The following SLC9A9 variants were observed in gnomAD, a reference collection of about 807,000 sequenced individuals.
The protein encoded by SLC9A9 is sodium/hydrogen exchanger 9.
SLC9A9 carries 62 observed loss-of-function variants against 77.8 expected under a neutral mutation model. The observed-to-expected ratio is 0.80, with a 90% confidence interval of 0.65 to 0.98. The LOEUF (loss-of-function observed/expected upper bound fraction) is 0.98. SLC9A9 is among the 50% of genes least tolerant of loss of function. The pLI, the probability that SLC9A9 is intolerant of heterozygous loss-of-function variation, is 0.00. For synonymous variants in SLC9A9, 320 were observed against 283.5 expected, an observed-to-expected ratio of 1.13 and a Z score of -1.29; for missense variants, 775 against 774.9, an observed-to-expected ratio of 1.00 and a Z score of 0.00.
In SLC9A9 at chr3:143,268,927, G is replaced by A; in HGVS notation, c.1658C>T (p.Pro553Leu). 3 of 1,613,656 alleles carry A rather than the reference G, an allele frequency of 1.9e-6. No homozygotes were observed. The highest frequency in any genetic ancestry group is 2.5e-6 in the Non-Finnish European group (3 of 1,179,802). Residue 553 changes from proline (P) to leucine (L), a missense_variant, in exon 15 of 16, where the codon CCT becomes CTT. By Grantham distance (98) the Pro-to-Leu change is moderately conservative. Transcript: ENST00000316549. ...HSGPPLTTTL[P>L]EWCGPISRLL... ...CCTGGAAATCGGACCACACCATTCA[G>A]GTAATGTTGTAGTCAGCGGAGGACC... is the stretch of plus-strand genomic sequence containing the variant.
chr3:143,645,429 A>C (rs990237073), intron 6 of SLC9A9, among the ~76,000 whole-genome samples: 3 of 152,162 alleles, frequency 2.0e-5, no homozygotes, highest in African/African-American at 7.2e-5. Context: ...TTCAGTGAGG[A>C]GTTATTGAGG....
chr3:143,776,271 A>G (rs1019096354), intron 4 of SLC9A9, among the ~76,000 whole-genome samples: 1 of 152,210 alleles, frequency 6.6e-6, no homozygotes, highest in East Asian at 1.9e-4. Flanking sequence ...AGGAATAGAT[A>G]GAAAGGTCAT....
intron 4 of SLC9A9, among the ~76,000 whole-genome samples, chr3:143,791,973 A>G (rs2008237904): frequency 1.3e-5 from 2 of 152,238 alleles, no homozygotes; most frequent in Non-Finnish European, 2.9e-5. Context: ...AAACAGAAGT[A>G]AAGCACGTTT....
chr3:143,563,058 C>T (rs553181703), intron 8 of SLC9A9, among the ~76,000 whole-genome samples: 2 of 152,194 alleles, frequency 1.3e-5, no homozygotes, highest in Admixed American at 6.5e-5. Context: ...GACTCATTTA[C>T]ACAATTTTGG....
chr3:143,615,629 C>T (rs753476675), intron 6 of SLC9A9, among the ~76,000 whole-genome samples: 3 of 152,080 alleles, frequency 2.0e-5, no homozygotes, highest in Non-Finnish European at 4.4e-5. Context: ...CTGAATGTGA[C>T]AATAACTCAG....
At chr3:143,569,751 A>C (rs566519443) in intron 8 of SLC9A9, among the ~76,000 whole-genome samples, 2 of 152,114 alleles carry the variant, frequency 1.3e-5, no homozygotes, top group Admixed American at 1.3e-4. Context: ...TACAAGCACA[A>C]ATTGGAGAAT....
chr3:143,310,143 A>G (rs935566490), intron 14 of SLC9A9, among the ~76,000 whole-genome samples: 5 of 152,212 alleles, frequency 3.3e-5, no homozygotes, highest in African/African-American at 1.2e-4. Context: ...GTGCTGCTGA[A>G]CTGACAGAGG....
chr3:143,734,760 A>G (rs1934897956), intron 4 of SLC9A9, among the ~76,000 whole-genome samples: 1 of 151,416 alleles, frequency 6.6e-6, no homozygotes, highest in Non-Finnish European at 1.5e-5. Flanking sequence ...AAAGATACGT[A>G]GACTCTTCTA....
intron 12 of SLC9A9, among the ~76,000 whole-genome samples, chr3:143,403,956 T>C (rs1359019845): frequency 1.3e-5 from 2 of 152,120 alleles, no homozygotes; most frequent in African/African-American, 4.8e-5. Context: ...TACACACATG[T>C]TGGTGTTCCA....
At chr3:143,681,813 T>A (rs1933107244) in intron 5 of SLC9A9, among the ~76,000 whole-genome samples, 2 of 152,190 alleles carry the variant, frequency 1.3e-5, no homozygotes, top group African/African-American at 4.8e-5. Context: ...ATAGCAGTCC[T>A]CTGAGTGGCA....
At chr3:143,705,046 GATATAGATATAGATATAT>G (rs1560040999) in intron 4 of SLC9A9, among the ~76,000 whole-genome samples, 1 of 38,736 alleles carries the variant, frequency 2.6e-5, no homozygotes, top group African/African-American at 1.2e-4. Context: ...TATCTATATA[GATATAGATATAGATATAT>G]AGATATATAT....
At chr3:143,557,002 A>C (rs1182247124) in intron 8 of SLC9A9, among the ~76,000 whole-genome samples, 1 of 152,138 alleles carries the variant, frequency 6.6e-6, no homozygotes, top group Non-Finnish European at 1.5e-5. Flanking sequence ...TGATGTGGTT[A>C]TATGGTTTGG....
intron 4 of SLC9A9, chr3:143,698,022 T>C (rs1239725434): frequency 6.6e-6 from 1 of 152,210 alleles, no homozygotes; most frequent in Non-Finnish European, 1.5e-5. Context: ...TAGTTATAAC[T>C]ACATTAACTG....
At chr3:143,767,561 C>T (rs144208431) in intron 4 of SLC9A9, among the ~76,000 whole-genome samples, 275 of 152,144 alleles carry the variant, frequency 1.8e-3, no homozygotes, top group Admixed American at 3.3e-3. Context: ...TAGCATCACA[C>T]CTATTGAAAA....
intron 12 of SLC9A9, among the ~76,000 whole-genome samples, chr3:143,385,902 A>T (rs1559892607): frequency 6.6e-6 from 1 of 152,068 alleles, no homozygotes; most frequent in African/African-American, 2.4e-5. Flanking sequence ...AGCACCAAAT[A>T]CAGTCCCTGA....
chr3:143,428,286 A>ATTCTGAATAGACAT (rs1553753883), intron 12 of SLC9A9, among the ~76,000 whole-genome samples: 3 of 152,150 alleles, frequency 2.0e-5, no homozygotes, highest in South Asian at 2.1e-4. Context: ...CTGAATAGAC[A>ATTCTGAATAGACAT]TTTTTCAGAA....
chr3:143,319,022 ATAAC>A (rs2031322100), intron 14 of SLC9A9, among the ~76,000 whole-genome samples: 1 of 152,226 alleles, frequency 6.6e-6, no homozygotes, highest in Admixed American at 6.5e-5. Flanking sequence ...CTTATAATAA[ATAAC>A]TGTCAAACTA....
At chr3:143,371,039 G>A (rs2033047622) in intron 13 of SLC9A9, among the ~76,000 whole-genome samples, 1 of 152,000 alleles carries the variant, frequency 6.6e-6, no homozygotes, top group Admixed American at 6.6e-5. Flanking sequence ...CGCTGGAGTG[G>A]CTGTGTACAG....
intron 6 of SLC9A9, among the ~76,000 whole-genome samples, chr3:143,604,338 T>C (rs1014467011): frequency 6.6e-6 from 1 of 152,176 alleles, no homozygotes; most frequent in African/African-American, 2.4e-5. Flanking sequence ...AACACATAGA[T>C]GAATAAGACA....
Sources: allele counts gnomAD v4.1 joint callset (sites outside exome capture counted in the v4.1 genomes callset), GRCh38; gene constraint gnomAD v4.1.1; transcripts MANE v1.5; gene names NCBI Gene and HGNC (gene_info 2026-07-23, HGNC 2026-07-21).